The following WWOX variants were observed in gnomAD, a reference collection of about 807,000 sequenced individuals.
WWOX encodes WW domain containing oxidoreductase.
Under a neutral mutation model 46.2 loss-of-function variants are expected in WWOX, and 69 were observed. That is an observed-to-expected ratio of 1.49 (90% CI 1.23 to 1.82). The LOEUF is 1.82. Among genes scored for constraint, WWOX ranks in the 40% most tolerant of loss-of-function variants. The pLI is 0.00. For missense variants in WWOX, 919 were observed against 542.6 expected, an observed-to-expected ratio of 1.69 and a Z score of -6.89; for synonymous variants, 359 against 202.6, an observed-to-expected ratio of 1.77 and a Z score of -6.56.
intron 8 of WWOX, among the ~76,000 whole-genome samples, chr16:78,926,379 A>T (rs988959491): frequency 1.2e-4 from 19 of 152,122 alleles, no homozygotes; most frequent in Non-Finnish European, 2.9e-5. Context: ...TCAAAAAAAA[A>T]AAAAAAAAGT....
chr16:78,738,919 C>A (rs138688049), intron 8 of WWOX, among the ~76,000 whole-genome samples: 1 of 152,140 alleles, frequency 6.6e-6, no homozygotes, highest in Non-Finnish European at 1.5e-5. Context: ...GATCATTTGC[C>A]TTCATTGCTG....
chr16:79,050,281 A>C (rs2048142204), intron 8 of WWOX, among the ~76,000 whole-genome samples: 1 of 152,112 alleles, frequency 6.6e-6, no homozygotes, highest in South Asian at 2.1e-4. Context: ...GCATCTTTGC[A>C]TCAGCTGGGC....
At chr16:79,068,057 A>G (rs905810871) in intron 8 of WWOX, among the ~76,000 whole-genome samples, 2 of 151,790 alleles carry the variant, frequency 1.3e-5, no homozygotes, top group African/African-American at 2.4e-5. Context: ...CTTTGGGGCT[A>G]TTAGCTGCAT....
chr16:78,263,571 G>C (rs564263168), intron 5 of WWOX, among the ~76,000 whole-genome samples: 1 of 152,258 alleles, frequency 6.6e-6, no homozygotes, highest in South Asian at 2.1e-4. Flanking sequence ...GTTACTTACC[G>C]TGAGGTTATC....
At chr16:78,938,314 C>G (rs1035630845) in intron 8 of WWOX, among the ~76,000 whole-genome samples, 8 of 152,196 alleles carry the variant, frequency 5.3e-5, no homozygotes, top group Non-Finnish European at 1.0e-4. Context: ...AGGGTGTGGA[C>G]CATCCTTCAG....
chr16:78,863,189 C>G (rs901102445), intron 8 of WWOX, among the ~76,000 whole-genome samples: 2 of 152,162 alleles, frequency 1.3e-5, no homozygotes, highest in African/African-American at 4.8e-5. Flanking sequence ...AACTCCTGAC[C>G]TCAGGTGATC....
intron 5 of WWOX, among the ~76,000 whole-genome samples, chr16:78,373,907 C>T (rs1010649308): frequency 5.3e-5 from 8 of 151,606 alleles, no homozygotes; most frequent in African/African-American, 1.9e-4. Flanking sequence ...CCCACCTCAG[C>T]CTCCCAAGTA....
At chr16:78,753,435 C>G (rs1187301159) in intron 8 of WWOX, among the ~76,000 whole-genome samples, 1 of 152,128 alleles carries the variant, frequency 6.6e-6, no homozygotes, top group African/African-American at 2.4e-5. Context: ...ACCCCTGTGT[C>G]TTAAGATACT....
chr16:78,413,271 T>A (rs2082724225), intron 6 of WWOX, among the ~76,000 whole-genome samples: 1 of 152,268 alleles, frequency 6.6e-6, no homozygotes, highest in East Asian at 1.9e-4. Flanking sequence ...GAGTGCTGAT[T>A]GTCTCACGTG....
chr16:78,608,476 C>T (rs551164837), intron 8 of WWOX, among the ~76,000 whole-genome samples: 2 of 152,286 alleles, frequency 1.3e-5, no homozygotes, highest in Admixed American at 1.3e-4. Flanking sequence ...GCGACTTGGC[C>T]ACAGTGTTTT....
At chr16:78,289,838 G>T (rs1199142254) in intron 5 of WWOX, among the ~76,000 whole-genome samples, 1 of 151,554 alleles carries the variant, frequency 6.6e-6, no homozygotes, top group African/African-American at 2.4e-5. Flanking sequence ...TGCTTGATAG[G>T]TGTTTTTGTA....
intron 5 of WWOX, among the ~76,000 whole-genome samples, chr16:78,265,675 T>C (rs1461276225): frequency 3.5e-5 from 3 of 85,194 alleles, no homozygotes; most frequent in Non-Finnish European, 6.4e-5. Flanking sequence ...CGAAACTCCA[T>C]GTCAAAAAAA....
At chr16:79,089,488 C>A (rs527698621) in intron 8 of WWOX, among the ~76,000 whole-genome samples, 288 of 152,108 alleles carry the variant, frequency 1.9e-3, no homozygotes, top group African/African-American at 6.7e-3. Context: ...CACGCCACCA[C>A]GCCTGGCTAA....
At chr16:78,640,584 T>C (rs1306304834) in intron 8 of WWOX, among the ~76,000 whole-genome samples, 1 of 152,102 alleles carries the variant, frequency 6.6e-6, no homozygotes, top group East Asian at 1.9e-4. Context: ...ATGGCACACA[T>C]TTACCTATGT....
chr16:78,766,508 A>G (rs1001575917), intron 8 of WWOX, among the ~76,000 whole-genome samples: 1 of 152,072 alleles, frequency 6.6e-6, no homozygotes, highest in Non-Finnish European at 1.5e-5. Context: ...GGGCTGCTTG[A>G]GCTCAGGAGG....
At position 78,415,496 on chromosome 16, in the gene WWOX, A is replaced by G. The variant is rs557364636; in HGVS notation, c.606-9374A>G. On this transcript the variant is annotated intron_variant, in intron 6 of 8. Coordinates refer to ENST00000566780, the MANE Select transcript of WWOX (RefSeq NM_016373.4). ...TGGGAATGCAGCCCAGTAGGTCTCA[A>G]TCTTATTTTACCCAGCCCCTATTCA... Among the ~76,000 whole-genome samples the G allele has an allele frequency of 1.6e-4, 25 of 152,216 alleles. No individual in the cohort carries two copies. In the South Asian group the frequency reaches 4.2e-3, roughly 25 times the overall value.
chr16:78,505,277 A>G (rs1191969937), intron 8 of WWOX, among the ~76,000 whole-genome samples: 1 of 152,126 alleles, frequency 6.6e-6, no homozygotes, highest in African/African-American at 2.4e-5. Context: ...TGTTTATATT[A>G]TTTCATACTG....
intron 8 of WWOX, among the ~76,000 whole-genome samples, chr16:78,635,231 G>A (rs146194989): frequency 9.4e-4 from 143 of 152,282 alleles, no homozygotes; most frequent in African/African-American, 3.4e-3. Flanking sequence ...AGAATTAGAT[G>A]CGTGAGACCC....
intron 8 of WWOX, among the ~76,000 whole-genome samples, chr16:78,710,227 C>G (rs576569344): frequency 1.7e-4 from 26 of 151,644 alleles, no homozygotes; most frequent in African/African-American, 6.1e-4. Flanking sequence ...ACTTGGGGCA[C>G]CTGGGGACTG....
Sources: allele counts gnomAD v4.1 joint callset (sites outside exome capture counted in the v4.1 genomes callset), GRCh38; gene constraint gnomAD v4.1.1; transcripts MANE v1.5; gene names NCBI Gene and HGNC (gene_info 2026-07-23, HGNC 2026-07-21).